The following NXPH2 variants were observed in gnomAD, a reference collection of about 807,000 sequenced individuals.
NXPH2 encodes the protein neurexophilin 2.
In NXPH2, 5 loss-of-function variants were observed where a neutral mutation model predicts 19.8. The observed-to-expected ratio is 0.25, with a 90% CI of 0.13 to 0.53. The LOEUF is 0.53. Ranked by LOEUF, NXPH2 falls within the 20% of genes least tolerant of loss-of-function variation. The pLI is 0.96. For missense variants in NXPH2, 289 were observed against 322.8 expected (o/e 0.90, Z 0.80); for synonymous variants, 154 against 127.4 (o/e 1.21, Z -1.41).
intron 1 of NXPH2, among the ~76,000 whole-genome samples, chr2:138,750,347 A>C (rs114877205): frequency 0.012 from 1,869 of 152,298 alleles, 19 homozygotes; most frequent in Middle Eastern, 0.051. Flanking sequence ...TTCATTCTAA[A>C]CATTAATACA....
At chr2:138,770,572 T>C (rs1682161584) in intron 1 of NXPH2, among the ~76,000 whole-genome samples, 1 of 151,964 alleles carries the variant, frequency 6.6e-6, no homozygotes, top group Non-Finnish European at 1.5e-5. Flanking sequence ...TGTCTAGACA[T>C]AAAATCCAGG....
chr2:138,688,484 G>C (rs1430453587), intron 1 of NXPH2, among the ~76,000 whole-genome samples: 1 of 152,216 alleles, frequency 6.6e-6, no homozygotes, highest in East Asian at 1.9e-4. Context: ...GCTCGGATGA[G>C]GCATCTTTTT....
At chr2:138,694,668 GT>G (rs1217108516) in intron 1 of NXPH2, among the ~76,000 whole-genome samples, 1 of 152,120 alleles carries the variant, frequency 6.6e-6, no homozygotes, top group East Asian at 1.9e-4. Context: ...CTGGAATGTG[GT>G]TTGTAGTATA....
intron 1 of NXPH2, among the ~76,000 whole-genome samples, chr2:138,693,039 A>G (rs1163101168): frequency 6.6e-6 from 1 of 152,234 alleles, no homozygotes; most frequent in Non-Finnish European, 1.5e-5. Flanking sequence ...TCTAACCTTT[A>G]AAAACACTCT....
At chr2:138,775,866 T>G (rs1162803031) in intron 1 of NXPH2, among the ~76,000 whole-genome samples, 1 of 152,160 alleles carries the variant, frequency 6.6e-6, no homozygotes, top group African/African-American at 2.4e-5. Flanking sequence ...TGCCAGCTTC[T>G]AACCAGCAAT....
chr2:138,697,320 A>G (rs982605692), intron 1 of NXPH2, among the ~76,000 whole-genome samples: 2 of 152,188 alleles, frequency 1.3e-5, no homozygotes, highest in Non-Finnish European at 2.9e-5. Flanking sequence ...ACTGTTTATT[A>G]TACTGTATGT....
chr2:138,723,450 T>C (rs1573967035), intron 1 of NXPH2, among the ~76,000 whole-genome samples: 2 of 152,164 alleles, frequency 1.3e-5, no homozygotes, highest in African/African-American at 4.8e-5. Flanking sequence ...GATTACGCCA[T>C]GAGGACACTC....
intron 1 of NXPH2, among the ~76,000 whole-genome samples, chr2:138,759,753 G>C (rs1364634107): frequency 7.4e-6 from 1 of 135,582 alleles, no homozygotes; most frequent in Non-Finnish European, 1.5e-5. Context: ...TTTTTGAGAC[G>C]GAGTCTTGCT....
intron 1 of NXPH2, among the ~76,000 whole-genome samples, chr2:138,684,005 G>GA (rs1310036879): frequency 2.6e-5 from 4 of 152,142 alleles, no homozygotes; most frequent in Non-Finnish European, 5.9e-5. Flanking sequence ...TCTATCAACT[G>GA]AAAATATAAA....
chr2:138,743,655 T>C (rs1445548293), intron 1 of NXPH2, among the ~76,000 whole-genome samples: 1 of 152,118 alleles, frequency 6.6e-6, no homozygotes, highest in African/African-American at 2.4e-5. Flanking sequence ...TAAGACACTT[T>C]GAAAGAGTGA....
chr2:138,743,253 C>T (rs1056552234), intron 1 of NXPH2, among the ~76,000 whole-genome samples: 1 of 129,588 alleles, frequency 7.7e-6, no homozygotes, highest in Non-Finnish European at 1.9e-5. Context: ...TGGGATCCAC[C>T]TTAGTAAAAA....
At chr2:138,723,098 A>G in intron 1 of NXPH2, among the ~76,000 whole-genome samples, 1 of 152,216 alleles carries the variant, frequency 6.6e-6, no homozygotes, top group South Asian at 2.1e-4. Context: ...CTTTCCCACA[A>G]CAAGACTGAG....
At chr2:138,727,671 CG>C (rs376782777) in intron 1 of NXPH2, among the ~76,000 whole-genome samples, 6 of 91,748 alleles carry the variant, frequency 6.5e-5, no homozygotes, top group South Asian at 6.9e-4. Flanking sequence ...GGCGGTGAGG[CG>C]GGGGGGGTTC....
chr2:138,757,174 C>A (rs1573979969), intron 1 of NXPH2, among the ~76,000 whole-genome samples: 1 of 152,168 alleles, frequency 6.6e-6, no homozygotes, highest in South Asian at 2.1e-4. Context: ...AAGAAATATG[C>A]TTCCCATTTC....
At chr2:138,763,867 G>A (rs1682052228) in intron 1 of NXPH2, among the ~76,000 whole-genome samples, 1 of 152,142 alleles carries the variant, frequency 6.6e-6, no homozygotes, top group South Asian at 2.1e-4. Flanking sequence ...TTTTCCAGGG[G>A]CTCTGAAGCA....
intron 1 of NXPH2, among the ~76,000 whole-genome samples, chr2:138,680,727 G>A (rs943061901): frequency 7.9e-5 from 12 of 152,168 alleles, no homozygotes. Flanking sequence ...TTATTTGGAT[G>A]AGTGAAATGA....
chr2:138,722,750 G>C (rs1197242455), intron 1 of NXPH2, among the ~76,000 whole-genome samples: 1 of 152,244 alleles, frequency 6.6e-6, no homozygotes, highest in African/African-American at 2.4e-5. Flanking sequence ...TGTGCCGATG[G>C]ATTGCCAAGG....
intron 1 of NXPH2, among the ~76,000 whole-genome samples, chr2:138,733,417 G>C (rs1017331215): frequency 6.6e-6 from 1 of 152,170 alleles, no homozygotes; most frequent in Non-Finnish European, 1.5e-5. Context: ...CTAGAGGAAA[G>C]CCATTAACCA....
At chr2:138,748,966 A>C (rs1184022968) in intron 1 of NXPH2, among the ~76,000 whole-genome samples, 2 of 152,146 alleles carry the variant, frequency 1.3e-5, no homozygotes, top group Non-Finnish European at 2.9e-5. Context: ...AAAGGACATA[A>C]TTTCTTATGA....
Sources: gnomAD v4.1 joint callset for allele counts (sites outside exome capture counted in the v4.1 genomes callset) on GRCh38, gnomAD v4.1.1 for gene constraint, MANE v1.5 for transcripts, NCBI Gene and HGNC (gene_info 2026-07-23, HGNC 2026-07-21) for gene names.